KIF13A: variants seen among roughly 807,000 people sequenced by gnomAD.
KIF13A encodes the protein kinesin family member 13A.
KIF13A carries 79 observed loss-of-function variants against 212.2 expected under a neutral mutation model. The observed-to-expected ratio is 0.37, with a 90% CI of 0.31 to 0.45. The LOEUF is 0.45. KIF13A is among the 20% of genes least tolerant of loss of function. KIF13A has a pLI of 1.00. For synonymous variants in KIF13A, 789 were observed against 808.6 expected, an observed-to-expected ratio of 0.98 and a Z score of 0.41; for missense variants, 1,901 against 2,209.0, an observed-to-expected ratio of 0.86 and a Z score of 2.79.
In KIF13A at chr6:17,828,942, C is replaced by T. The variant is rs1040267197; in HGVS notation, c.1402-572G>A. ...TAATGCCTGTGGGTCATACCATGTACAAACGTGTGATTTTTTTTTTTTTGA... is the reference window on the plus strand; with the variant it reads ...TAATGCCTGTGGGTCATACCATGTATAAACGTGTGATTTTTTTTTTTTTGA... On this transcript the variant is annotated intron_variant, in intron 13 of 38. Coordinates refer to ENST00000259711, the MANE Select transcript of KIF13A (RefSeq NM_022113.6). This position sits in a 1 kb window ranked among gnomAD's most constrained non-coding sequence, Gnocchi z 4.3. 2.8e-5 allele frequency among the ~76,000 whole-genome samples: 4 copies of T among 143,394 alleles called. No homozygotes were observed. Among genetic ancestry groups the T allele is most frequent in the Non-Finnish European group, 3.0e-5 (2 of 65,822 alleles). The allele number at this position is 143,394 out of a possible 152,430, so 94.1% of individuals were successfully genotyped here.
intron 12 of KIF13A, among the ~76,000 whole-genome samples, chr6:17,832,456 G>T (rs1765529506): frequency 6.6e-6 from 1 of 151,852 alleles, no homozygotes; most frequent in South Asian, 2.1e-4. Context: ...GGCCAACATG[G>T]TGAATCCCTG....
At chr6:17,759,631 G>A (rs1210560381), downstream of KIF13A, 2 of 152,228 alleles carry the variant, frequency 1.3e-5, no homozygotes, top group Admixed American at 1.3e-4. Context: ...ATCCTTCAAT[G>A]TCTCCATTTG....
At chr6:17,864,388 C>A (rs1278152697) in intron 4 of KIF13A, among the ~76,000 whole-genome samples, 2 of 152,206 alleles carry the variant, frequency 1.3e-5, no homozygotes, top group Non-Finnish European at 2.9e-5. Flanking sequence ...CAAAGTAACC[C>A]ATAACACAAT....
chr6:17,767,514 T>C (rs7740566), intron 38 of KIF13A, among the ~76,000 whole-genome samples: 151,943 of 152,008 alleles, frequency 1, 75,939 homozygotes, highest in Middle Eastern at 1. Flanking sequence ...CTCGGGCTTC[T>C]AAAGTGCTGG....
intron 38 of KIF13A, chr6:17,770,649 C>A: frequency 5.3e-6 from 1 of 190,026 alleles, no homozygotes; most frequent in Non-Finnish European, 9.9e-6. Flanking sequence ...TGTAGTGCAG[C>A]TCTAACTACA....
chr6:17,882,600 C>T (rs1771173330), intron 3 of KIF13A, among the ~76,000 whole-genome samples: 1 of 149,870 alleles, frequency 6.7e-6, no homozygotes, highest in South Asian at 2.1e-4. Flanking sequence ...CTTGCTCTGT[C>T]GCCCAGGCTG....
chr6:17,808,942 T>C lies in KIF13A; in HGVS notation c.2001-12A>G, dbSNP rs775676420. On this transcript the variant is annotated splice_polypyrimidine_tract_variant and intron_variant, in intron 17 of 38. Coordinates refer to ENST00000259711, the MANE Select transcript of KIF13A (RefSeq NM_022113.6). ...GGAAGAGTTCATCCCTGCAGTGTCA[T>C]AGAAAAGGGAACGAGAAAATCTAAA... 1.6e-5 allele frequency: 25 copies of C among 1,566,522 alleles called. No homozygotes were observed. The highest frequency in any genetic ancestry group is 5.9e-5 in the South Asian group (5 of 85,042).
intron 19 of KIF13A, among the ~76,000 whole-genome samples, chr6:17,804,842 A>AAAAAAAAAAAT: frequency 1.4e-5 from 2 of 145,504 alleles, no homozygotes; most frequent in Non-Finnish European, 3.0e-5. Flanking sequence ...AAAAAAAAAA[A>AAAAAAAAAAAT]AAAGAATTAG....
Position 17,951,840 on chromosome 6 carries a change from ATTCTTCATCAG to A in KIF13A, c.146+35203_146+35213del, listed in dbSNP as rs1050522213. Reference sequence around the variant, plus strand: ...ATTCCACTGTATGAATATATCACATATTCTTCATCAGTTGATGGACATTTGGTGACTCATTA... The same window carrying A: ...ATTCCACTGTATGAATATATCACATATTGATGGACATTTGGTGACTCATTA... On this transcript the variant is annotated intron_variant, in intron 2 of 38. Coordinates refer to ENST00000259711, the MANE Select transcript of KIF13A (RefSeq NM_022113.6). This position sits in a 1 kb window ranked among gnomAD's most constrained non-coding sequence, Gnocchi z 4.9. Among the ~76,000 whole-genome samples, 1 of 152,210 alleles carries A rather than the reference ATTCTTCATCAG, an allele frequency of 6.6e-6. No individual in the cohort carries two copies. The highest frequency in any genetic ancestry group is 1.5e-5 in the Non-Finnish European group (1 of 68,044).
rs936303523 is a variant in KIF13A at position 17,926,820 on chromosome 6, A to G, written c.147-28640T>C. ...AATGTAATCAGAATCCAACAATTCC[A>G]CTTCTGGGAATATACCCAAAAGAAG... is the stretch of plus-strand genomic sequence containing the variant. On this transcript the variant is annotated intron_variant, in intron 2 of 38. Transcript: ENST00000259711. The surrounding 1 kb of genome is among the most constrained non-coding windows in gnomAD (Gnocchi z 4.3). Among the ~76,000 whole-genome samples, 35 of 152,156 alleles carry G rather than the reference A, an allele frequency of 2.3e-4. No homozygotes were observed. The highest frequency in any genetic ancestry group is 7.7e-4 in the African/African-American group (32 of 41,432).
Position 17,987,615 on chromosome 6 carries a change from G to T in KIF13A, c.-152C>A, listed in dbSNP as rs958700203. On this transcript the variant is annotated 5_prime_UTR_variant, in exon 1 of 39. Transcript: ENST00000259711. This position sits in a 1 kb window ranked among gnomAD's most constrained non-coding sequence, Gnocchi z 7.7. ...CGAGAGGCAGCGCCGAGGCGCGCGG[G>T]CCATCCCGGGGGAGCGCGACGCGGG... 8.6e-6 allele frequency: 2 copies of T among 232,900 alleles called. No homozygotes were observed. The highest frequency in any genetic ancestry group is 2.4e-5 in the African/African-American group (1 of 42,092). 14.4% of individuals were successfully genotyped at this position (232,900 alleles called of 1,614,324 possible). A position where few individuals can be genotyped will look rare whatever the true frequency, so the allele number is the denominator to read the frequency against.
At chr6:17,833,497 C>CAAA (rs59654452) in intron 12 of KIF13A, among the ~76,000 whole-genome samples, 2 of 97,944 alleles carry the variant, frequency 2.0e-5, no homozygotes, top group African/African-American at 4.2e-5. Flanking sequence ...ACCTTGTCTT[C>CAAA]AAAAAAAAAA....
chr6:17,764,094 A>G lies in KIF13A; in HGVS notation c.*16T>C. On this transcript the variant is annotated 3_prime_UTR_variant, in exon 39 of 39. Coordinates refer to ENST00000259711, the MANE Select transcript of KIF13A (RefSeq NM_022113.6). This position sits in a 1 kb window ranked among gnomAD's most constrained non-coding sequence, Gnocchi z 5.1. ...GCGGTGAAGGGCCTCTGGGGTTGAC[A>G]TACAGTTAGACATACTCATTGACAG... The G allele has an allele frequency of 2.5e-6, 4 of 1,606,428 alleles. No homozygotes were observed. The highest frequency in any genetic ancestry group is 3.4e-6 in the Non-Finnish European group (4 of 1,174,732).
Position 17,963,525 on chromosome 6 carries a change from C to T in KIF13A, c.146+23529G>A, listed in dbSNP as rs1287883922. Among the ~76,000 whole-genome samples the T allele has an allele frequency of 6.6e-6, 1 of 152,182 alleles. No individual in the cohort carries two copies. Among genetic ancestry groups the T allele is most frequent in the Admixed American group, 6.5e-5 (1 of 15,276 alleles). ...ATTACCGATGACCACAAAAGGGCCC[C>T]AAGAGATTTGAGATTTGTAGGATAG... On this transcript the variant is annotated intron_variant, in intron 2 of 38. Transcript: ENST00000259711. This position sits in a 1 kb window ranked among gnomAD's most constrained non-coding sequence, Gnocchi z 4.1.
In KIF13A at chr6:17,871,432, T is replaced by C. The variant is rs1770001008; in HGVS notation, c.220+1945A>G. Among the ~76,000 whole-genome samples, 1 of 152,218 alleles carries C rather than the reference T, an allele frequency of 6.6e-6. No homozygotes were observed. The highest frequency in any genetic ancestry group is 1.5e-5 in the Non-Finnish European group (1 of 68,032). ...CTTAAAATCTATAAAATTTAGAGTT[T>C]AAATATTATCTCAAAATGTTATTTG... On this transcript the variant is annotated intron_variant, in intron 4 of 38. Coordinates refer to ENST00000259711, the MANE Select transcript of KIF13A (RefSeq NM_022113.6). The surrounding 1 kb of genome is among the most constrained non-coding windows in gnomAD (Gnocchi z 4.4).
intron 6 of KIF13A, among the ~76,000 whole-genome samples, chr6:17,854,183 G>A (rs372422884): frequency 4.6e-5 from 7 of 152,304 alleles, no homozygotes; most frequent in African/African-American, 1.7e-4. Flanking sequence ...CTACTGCCCA[G>A]GCTGGAATGT....
chr6:17,869,090 C>T (rs545330290), intron 4 of KIF13A, among the ~76,000 whole-genome samples: 1 of 150,210 alleles, frequency 6.7e-6, no homozygotes, highest in Non-Finnish European at 1.5e-5. Flanking sequence ...AACAAATAAG[C>T]CTTTAATTTG....
intron 3 of KIF13A, among the ~76,000 whole-genome samples, chr6:17,882,343 C>A (rs1334563832): frequency 6.6e-6 from 1 of 152,166 alleles, no homozygotes; most frequent in Non-Finnish European, 1.5e-5. Flanking sequence ...AACAAGTATT[C>A]TTTTTCTAAG....
At position 17,850,476 on chromosome 6, in the gene KIF13A, GA is replaced by G; in HGVS notation, c.583-20del. 1 of 1,602,588 alleles carries G rather than the reference GA, an allele frequency of 6.2e-7. No homozygotes were observed. Among genetic ancestry groups the G allele is most frequent in the African/African-American group, 1.3e-5 (1 of 74,718 alleles). On this transcript the variant is annotated intron_variant, in intron 7 of 38. Coordinates refer to ENST00000259711, the MANE Select transcript of KIF13A (RefSeq NM_022113.6). This position sits in a 1 kb window ranked among gnomAD's most constrained non-coding sequence, Gnocchi z 6.2. Reference sequence around the variant, plus strand: ...CAATATCCTAGGGGCAAAGCATAAGGAAAAGACCATAAGCAAAAACACAAGA... The same window carrying G: ...CAATATCCTAGGGGCAAAGCATAAGGAAAGACCATAAGCAAAAACACAAGA...
Sources: allele counts gnomAD v4.1 joint callset (sites outside exome capture counted in the v4.1 genomes callset), GRCh38; gene constraint gnomAD v4.1.1; non-coding constraint Gnocchi (gnomAD v3.1); transcripts MANE v1.5; gene names NCBI Gene and HGNC (gene_info 2026-07-23, HGNC 2026-07-21).